The following CSMD1 variants were observed in gnomAD, a reference collection of about 807,000 sequenced individuals.
CSMD1 encodes the protein CUB and Sushi multiple domains 1, also known as CUB and sushi domain-containing protein 1.
Under a neutral mutation model 417.5 loss-of-function variants are expected in CSMD1, and 213 were observed. That is an observed-to-expected ratio of 0.51 (90% confidence interval 0.46 to 0.57). The LOEUF is 0.57. Ranked by LOEUF, CSMD1 falls within the 20% of genes least tolerant of loss-of-function variation. The pLI is 0.00. For missense variants in CSMD1, 6,923 were observed against 4,529.7 expected (o/e 1.53, Z -15.17); for synonymous variants, 2,862 against 1,736.8 (o/e 1.65, Z -16.11).
At chr8:3,289,420 G>C (rs62503423) in intron 25 of CSMD1, among the ~76,000 whole-genome samples, 1 of 146,902 alleles carries the variant, frequency 6.8e-6, no homozygotes, top group Non-Finnish European at 1.5e-5. Context: ...CACAATGGTT[G>C]AACTAGTTTA....
chr8:2,966,751 T>G lies in CSMD1; in HGVS notation c.8924-5A>C. 1 of 1,612,336 alleles carries G rather than the reference T, an allele frequency of 6.2e-7. No homozygotes were observed. The highest frequency in any genetic ancestry group is 8.5e-7 in the Non-Finnish European group (1 of 1,179,202). On this transcript the variant is annotated splice_region_variant and splice_polypyrimidine_tract_variant and intron_variant, in intron 57 of 69. Transcript: ENST00000635120. ...CAGGGTTGCCACAGGACACGGCTGT[T>G]AGGCAAACAAGAACACCACCACACA...
intron 5 of CSMD1, among the ~76,000 whole-genome samples, chr8:3,933,754 TA>T (rs1810306344): frequency 6.6e-6 from 1 of 152,214 alleles, no homozygotes. Flanking sequence ...AGGTGAGATT[TA>T]TTTAGGTTTT....
intron 44 of CSMD1, 127 bp from the exon 45 acceptor site, chr8:3,107,925 C>G: frequency 1.7e-6 from 1 of 600,130 alleles, no homozygotes; most frequent in Non-Finnish European, 2.9e-6. Context: ...GTCTCTATTC[C>G]TGAATCATAG....
rs1051182173 is a variant in CSMD1 at position 2,983,038 on chromosome 8, G to T, written c.8378-4238C>A. Among the ~76,000 whole-genome samples the T allele has an allele frequency of 2.0e-5, 3 of 152,192 alleles. No homozygotes were observed. The South Asian group carries it at 6.2e-4, about 32-fold the overall frequency. ...CAGGATTCGTATCTATTCGATTCCAGCCTGTTATGTGATGAGGAAACACCG... is the reference window on the plus strand; with the variant it reads ...CAGGATTCGTATCTATTCGATTCCATCCTGTTATGTGATGAGGAAACACCG... On this transcript the variant is annotated intron_variant, in intron 54 of 69. Coordinates refer to ENST00000635120, the MANE Select transcript of CSMD1 (RefSeq NM_033225.6).
At chr8:3,639,456 A>G (rs756049185) in intron 7 of CSMD1, among the ~76,000 whole-genome samples, 1 of 152,186 alleles carries the variant, frequency 6.6e-6, no homozygotes, top group East Asian at 1.9e-4. Context: ...TCAGTCTATG[A>G]CCTGAATTGT....
chr8:3,389,244 T>C (rs1811201532), intron 17 of CSMD1, among the ~76,000 whole-genome samples: 1 of 152,096 alleles, frequency 6.6e-6, no homozygotes. Context: ...CATTAGTTGT[T>C]TTTCCCGATC....
intron 1 of CSMD1, among the ~76,000 whole-genome samples, chr8:4,962,827 T>C (rs983440599): frequency 2.0e-5 from 3 of 152,152 alleles, no homozygotes; most frequent in Non-Finnish European, 4.4e-5. Flanking sequence ...TTAATCTCCA[T>C]TTTTAGACCT....
intron 2 of CSMD1, among the ~76,000 whole-genome samples, chr8:4,588,376 GAGATAAAGAACTATCTCATAAAGA>G (rs1799810276): frequency 1.5e-4 from 9 of 61,818 alleles, no homozygotes; most frequent in Admixed American, 1.1e-3. Context: ...TCTAGAGACA[GAGATAAAGAACTATCTCATAAAGA>G]CAGAGATAAA....
At chr8:3,860,439 T>C (rs1804621272) in intron 5 of CSMD1, among the ~76,000 whole-genome samples, 1 of 152,190 alleles carries the variant, frequency 6.6e-6, no homozygotes, top group South Asian at 2.1e-4. Context: ...ATAAAACTTT[T>C]TTTTCCTATT....
intron 1 of CSMD1, among the ~76,000 whole-genome samples, chr8:4,688,135 G>A (rs535655134): frequency 6.6e-6 from 1 of 152,154 alleles, no homozygotes; most frequent in African/African-American, 2.4e-5. Flanking sequence ...TGAGGTATTT[G>A]ATTCTAAGGT....
At chr8:4,959,946 C>T (rs1255900253) in intron 1 of CSMD1, among the ~76,000 whole-genome samples, 1 of 152,166 alleles carries the variant, frequency 6.6e-6, no homozygotes, top group African/African-American at 2.4e-5. Flanking sequence ...ATAACACTTA[C>T]TCTCCTTAAA....
intron 12 of CSMD1, among the ~76,000 whole-genome samples, chr8:3,429,863 T>C (rs986219361): frequency 2.0e-5 from 3 of 152,174 alleles, no homozygotes; most frequent in Admixed American, 6.6e-5. Context: ...CAGCCAGCAC[T>C]ACTGAGTTTG....
At chr8:2,983,193 A>G (rs1434654766) in intron 54 of CSMD1, among the ~76,000 whole-genome samples, 1 of 151,860 alleles carries the variant, frequency 6.6e-6, no homozygotes, top group South Asian at 2.1e-4. Flanking sequence ...ACATACATAT[A>G]TATTTTTTTT....
intron 12 of CSMD1, among the ~76,000 whole-genome samples, chr8:3,465,412 T>C (rs563434380): frequency 5.9e-5 from 9 of 152,144 alleles, no homozygotes; most frequent in South Asian, 4.2e-4. Context: ...AGCCCGGGAA[T>C]GATGGAGGCC....
At chr8:4,024,508 A>G (rs908763812) in intron 4 of CSMD1, among the ~76,000 whole-genome samples, 1 of 152,188 alleles carries the variant, frequency 6.6e-6, no homozygotes, top group African/African-American at 2.4e-5. Context: ...GACTTGTTAC[A>G]ATGTCCAAGT....
chr8:3,874,001 T>C (rs1323727656), intron 5 of CSMD1, among the ~76,000 whole-genome samples: 2 of 152,226 alleles, frequency 1.3e-5, no homozygotes, highest in Non-Finnish European at 2.9e-5. Context: ...ATACACACTG[T>C]GCGGCTGTAG....
intron 3 of CSMD1, among the ~76,000 whole-genome samples, chr8:4,381,087 T>C (rs375714240): frequency 6.6e-6 from 1 of 152,168 alleles, no homozygotes; most frequent in Admixed American, 6.5e-5. Context: ...CAAAAGTAAT[T>C]GTGGTTTTAG....
At chr8:3,766,643 A>G (rs1240755749) in intron 5 of CSMD1, among the ~76,000 whole-genome samples, 1 of 152,176 alleles carries the variant, frequency 6.6e-6, no homozygotes, top group East Asian at 1.9e-4. Context: ...CACAGTCGAT[A>G]CTCAAAGACT....
At chr8:3,151,121 G>T in intron 40 of CSMD1, 1 of 273,726 alleles carries the variant, frequency 3.7e-6, no homozygotes, top group Non-Finnish European at 6.8e-6. Context: ...ATTGATAATT[G>T]AATTAGGGAT....
Sources: allele counts gnomAD v4.1 joint callset (sites outside exome capture counted in the v4.1 genomes callset), GRCh38; gene constraint gnomAD v4.1.1; transcripts MANE v1.5; gene names NCBI Gene and HGNC (gene_info 2026-07-23, HGNC 2026-07-21).